The following WDR7 variants were observed in gnomAD, a reference collection of about 807,000 sequenced individuals.
WDR7 encodes the protein WD repeat-containing protein 7.
In WDR7, 46 loss-of-function variants were observed where a neutral mutation model predicts 169.4. That is an observed-to-expected ratio of 0.27 (90% CI 0.21 to 0.35). WDR7 has a LOEUF of 0.35. Ranked by LOEUF, WDR7 falls within the 10% of genes least tolerant of loss-of-function variation. The probability of loss-of-function intolerance (pLI) is 1.00; values close to 1 mark genes in which losing one functional copy is unlikely to be tolerated. For synonymous variants in WDR7, 612 were observed against 666.8 expected, an observed-to-expected ratio of 0.92 and a Z score of 1.27; for missense variants, 1,534 against 1,859.3, an observed-to-expected ratio of 0.83 and a Z score of 3.22.
At chr18:56,881,032 C>G (rs2046100202) in intron 21 of WDR7, among the ~76,000 whole-genome samples, 1 of 152,116 alleles carries the variant, frequency 6.6e-6, no homozygotes, top group Non-Finnish European at 1.5e-5. Context: ...GCTTTTTTGG[C>G]CTTTAAGCAA....
chr18:56,783,645 A>G (rs1438555675), intron 19 of WDR7, among the ~76,000 whole-genome samples: 1 of 152,332 alleles, frequency 6.6e-6, no homozygotes, highest in East Asian at 1.9e-4. Context: ...CTGGCAGGCT[A>G]TTGCAGAAGG....
chr18:56,774,917 A>C (rs548137255), intron 16 of WDR7, among the ~76,000 whole-genome samples: 2 of 152,192 alleles, frequency 1.3e-5, no homozygotes, highest in African/African-American at 4.8e-5. Context: ...ATGAAATGTC[A>C]TTTAAATATG....
At chr18:57,034,217 TA>T (rs1568036901), downstream of WDR7, 1 of 150,390 alleles carries the variant, frequency 6.6e-6, no homozygotes, top group Admixed American at 6.6e-5. Flanking sequence ...AAAAAATAAA[TA>T]AATAAAAATA....
chr18:56,712,043 C>T (rs2026097834), intron 12 of WDR7, among the ~76,000 whole-genome samples: 1 of 151,956 alleles, frequency 6.6e-6, no homozygotes, highest in Non-Finnish European at 1.5e-5. Context: ...TTGTTTTGGG[C>T]ACATAAGACC....
At chr18:57,015,641 C>G (rs1455248098) in intron 26 of WDR7, among the ~76,000 whole-genome samples, 1 of 152,192 alleles carries the variant, frequency 6.6e-6, no homozygotes, top group African/African-American at 2.4e-5. Flanking sequence ...GTCAGAAAGG[C>G]ATGCAAATCA....
chr18:56,845,960 C>A (rs772390020), intron 20 of WDR7, among the ~76,000 whole-genome samples: 3 of 152,120 alleles, frequency 2.0e-5, no homozygotes, highest in Non-Finnish European at 4.4e-5. Flanking sequence ...CTGCCCTCAA[C>A]ACTTACGCAT....
intron 16 of WDR7, among the ~76,000 whole-genome samples, chr18:56,767,836 C>T (rs957208097): frequency 6.6e-6 from 1 of 152,050 alleles, no homozygotes; most frequent in African/African-American, 2.4e-5. Context: ...AGGACACAAC[C>T]AGCACTTTTT....
intron 15 of WDR7, among the ~76,000 whole-genome samples, chr18:56,758,498 G>A (rs114605251): frequency 2.8e-3 from 431 of 152,224 alleles, no homozygotes; most frequent in African/African-American, 9.7e-3. Flanking sequence ...TCAGGTTTTT[G>A]GGTTGAATGT....
chr18:56,819,123 A>T (rs1457469881), intron 20 of WDR7, among the ~76,000 whole-genome samples: 1 of 152,192 alleles, frequency 6.6e-6, no homozygotes, highest in Non-Finnish European at 1.5e-5. Context: ...TTGGGTACAA[A>T]TGGGTTAGGT....
chr18:56,892,090 CT>C (rs933804824), intron 21 of WDR7, among the ~76,000 whole-genome samples: 2 of 152,068 alleles, frequency 1.3e-5, no homozygotes, highest in African/African-American at 4.8e-5. Flanking sequence ...CCAAAAATAA[CT>C]TTAATTTGCA....
intron 20 of WDR7, among the ~76,000 whole-genome samples, chr18:56,832,034 G>A (rs998722325): frequency 6.6e-6 from 1 of 152,156 alleles, no homozygotes; most frequent in Non-Finnish European, 1.5e-5. Context: ...AGGGAGCCGA[G>A]TGATCTTGCT....
intron 26 of WDR7, among the ~76,000 whole-genome samples, chr18:56,978,159 A>G (rs1343103876): frequency 6.6e-5 from 10 of 152,240 alleles, no homozygotes; most frequent in Non-Finnish European, 7.3e-5. Context: ...TTCACCCAAT[A>G]CAGCCTAATC....
chr18:56,903,776 A>G (rs1024554198), intron 21 of WDR7, among the ~76,000 whole-genome samples: 12 of 152,118 alleles, frequency 7.9e-5, no homozygotes, highest in Admixed American at 1.3e-4. Flanking sequence ...CAAGAAAATT[A>G]CTATGGACCA....
intron 21 of WDR7, among the ~76,000 whole-genome samples, chr18:56,902,438 G>C (rs1027121728): frequency 6.6e-6 from 1 of 152,136 alleles, no homozygotes; most frequent in Non-Finnish European, 1.5e-5. Flanking sequence ...TTAAATGCTA[G>C]ACAAAGATTG....
intron 25 of WDR7, among the ~76,000 whole-genome samples, chr18:56,961,081 T>C (rs866792387): frequency 1.3e-5 from 2 of 152,170 alleles, no homozygotes; most frequent in Non-Finnish European, 1.5e-5. Context: ...AGTGTATTAC[T>C]TGATAATAAG....
chr18:56,792,416 G>A (rs1030657585), intron 19 of WDR7, among the ~76,000 whole-genome samples: 3 of 152,100 alleles, frequency 2.0e-5, no homozygotes, highest in African/African-American at 7.2e-5. Flanking sequence ...CCATGTGTTA[G>A]CTGTAACCCC....
At chr18:56,729,703 C>T (rs1201925757) in intron 13 of WDR7, among the ~76,000 whole-genome samples, 1 of 152,014 alleles carries the variant, frequency 6.6e-6, no homozygotes, top group African/African-American at 2.4e-5. Flanking sequence ...ATAACCCAAC[C>T]ACACACATAT....
In WDR7 at chr18:57,016,005, C is replaced by G. The variant is rs139063699; in HGVS notation, c.4165-4740C>G. 7.0e-4 allele frequency among the ~76,000 whole-genome samples: 107 copies of G among 152,302 alleles called. 1 individual carries two copies. The highest frequency in any genetic ancestry group is 1.2e-3 in the Admixed American group (19 of 15,298). ...TGAAAACAAGCTTGTCCTGTTTGCC[C>G]TCTGCCGGAGCACATTCTAGGGAAA... On this transcript the variant is annotated intron_variant, in intron 26 of 27. Transcript: ENST00000254442.
chr18:56,963,281 TA>T (rs1397900931), intron 26 of WDR7, among the ~76,000 whole-genome samples: 2 of 152,196 alleles, frequency 1.3e-5, no homozygotes, highest in East Asian at 3.9e-4. Context: ...GTTGCATTGG[TA>T]AATAGTTCCA....
Sources: gnomAD v4.1 joint callset for allele counts (sites outside exome capture counted in the v4.1 genomes callset) on GRCh38, gnomAD v4.1.1 for gene constraint, MANE v1.5 for transcripts, NCBI Gene and HGNC (gene_info 2026-07-23, HGNC 2026-07-21) for gene names.